C16orf74: variants seen among roughly 807,000 people sequenced by gnomAD.
The protein encoded by C16orf74 is calcimembrin, also known as uncharacterized protein C16orf74.
A neutral mutation model predicts 6.5 loss-of-function variants in C16orf74; 10 were observed. The observed-to-expected ratio is 1.54, with a 90% CI of 0.95 to 2.61. The LOEUF is 2.61. Ranked by LOEUF, C16orf74 falls within the 30% of genes most tolerant of loss-of-function variation. The probability of loss-of-function intolerance (pLI) is 0.00; values close to 1 mark genes in which losing one functional copy is unlikely to be tolerated. For synonymous variants in C16orf74, 60 were observed against 42.5 expected (o/e 1.41, Z -1.60); for missense variants, 141 against 105.9 (o/e 1.33, Z -1.45).
At chr16:85,747,878 C>T (rs925378047) in intron 1 of C16orf74, among the ~76,000 whole-genome samples, 1 of 151,904 alleles carries the variant, frequency 6.6e-6, no homozygotes, top group Non-Finnish European at 1.5e-5. Context: ...ACAAGGTCAG[C>T]AGTTCAAGAC....
chr16:85,708,817 G>A (rs2053938542), intron 3 of C16orf74, among the ~76,000 whole-genome samples: 1 of 152,222 alleles, frequency 6.6e-6, no homozygotes, highest in South Asian at 2.1e-4. Flanking sequence ...AAGGGTCTAT[G>A]GATTCCCCCT....
At chr16:85,710,741 G>A (rs542840197) in intron 2 of C16orf74, 18 of 159,308 alleles carry the variant, frequency 1.1e-4, no homozygotes, top group African/African-American at 2.6e-4. Flanking sequence ...TGCTCCCCCC[G>A]CCTGGGATGC....
At chr16:85,746,255 C>A (rs1041214311) in intron 1 of C16orf74, among the ~76,000 whole-genome samples, 19 of 152,280 alleles carry the variant, frequency 1.2e-4, no homozygotes, top group Middle Eastern at 3.4e-3. Flanking sequence ...GAGGCCGAGG[C>A]AGGAGAATCG....
intron 2 of C16orf74, among the ~76,000 whole-genome samples, chr16:85,729,179 T>C (rs1444376163): frequency 6.6e-6 from 1 of 152,232 alleles, no homozygotes; most frequent in East Asian, 1.9e-4. Context: ...CCATGTGGCC[T>C]TGAGCCAGTG....
intron 2 of C16orf74, among the ~76,000 whole-genome samples, chr16:85,725,978 G>C (rs964471978): frequency 6.6e-6 from 1 of 151,926 alleles, no homozygotes; most frequent in African/African-American, 2.4e-5. Flanking sequence ...AGCTCAGCCC[G>C]GCCTCCATAC....
At chr16:85,735,747 G>C (rs966416967) in intron 1 of C16orf74, among the ~76,000 whole-genome samples, 8 of 63,472 alleles carry the variant, frequency 1.3e-4, no homozygotes, top group Non-Finnish European at 1.7e-4. Context: ...TAGAGGACGT[G>C]TGGCCCCCCC....
At chr16:85,708,309 A>C (rs1289142608) in intron 3 of C16orf74, among the ~76,000 whole-genome samples, 2 of 152,078 alleles carry the variant, frequency 1.3e-5, no homozygotes, top group African/African-American at 4.8e-5. Flanking sequence ...CGGACTTTGT[A>C]GAGTAACCCT....
chr16:85,726,834 C>T (rs1198420725), intron 2 of C16orf74, among the ~76,000 whole-genome samples: 1 of 152,172 alleles, frequency 6.6e-6, no homozygotes, highest in African/African-American at 2.4e-5. Context: ...CCCTCCAGTT[C>T]CTCCACCATG....
chr16:85,733,569 T>TA lies in C16orf74; in HGVS notation c.28+1620dup, dbSNP rs145875175. Among the ~76,000 whole-genome samples, 1,060 of 152,300 alleles carry TA rather than the reference T, an allele frequency of 7.0e-3. 13 individuals carry two copies. Among genetic ancestry groups the TA allele is most frequent in the African/African-American group, 0.024 (995 of 41,554 alleles). ...AGTTTATGTGATATATATTATTTTT[T>TA]AAAGAAGAAAAGTATCCTCAATGCC... On this transcript the variant is annotated intron_variant, in intron 2 of 3. Coordinates refer to ENST00000284245, the MANE Select transcript of C16orf74 (RefSeq NM_206967.3).
intron 2 of C16orf74, among the ~76,000 whole-genome samples, chr16:85,734,741 A>C (rs1304223330): frequency 6.6e-6 from 1 of 151,640 alleles, no homozygotes; most frequent in Non-Finnish European, 1.5e-5. Context: ...CACCCACAAC[A>C]CCCTTCAGTG....
At chr16:85,710,423 CCT>C (rs1342483827) in intron 2 of C16orf74, 116 bp from the exon 3 acceptor site, 4 of 1,017,898 alleles carry the variant, frequency 3.9e-6, no homozygotes, top group Non-Finnish European at 5.4e-6. Flanking sequence ...GGTCCTGACG[CCT>C]CGCAGCAAGG....
intron 2 of C16orf74, 87 bp from the exon 3 acceptor site, chr16:85,710,394 C>A: frequency 7.6e-7 from 1 of 1,310,016 alleles, no homozygotes. Flanking sequence ...GGGCGCCACC[C>A]TCCCTTCACT....
chr16:85,715,500 T>G (rs1255795107), intron 2 of C16orf74, among the ~76,000 whole-genome samples: 1 of 152,140 alleles, frequency 6.6e-6, no homozygotes. Flanking sequence ...CGGTGCTTCC[T>G]GTAGCATAAT....
At chr16:85,719,317 A>G (rs1035777149) in intron 2 of C16orf74, among the ~76,000 whole-genome samples, 1 of 152,198 alleles carries the variant, frequency 6.6e-6, no homozygotes, top group Non-Finnish European at 1.5e-5. Context: ...TCCAGGCTCC[A>G]GTAGCAGGAA....
At chr16:85,727,373 C>G (rs1350027886) in intron 2 of C16orf74, among the ~76,000 whole-genome samples, 1 of 152,198 alleles carries the variant, frequency 6.6e-6, no homozygotes, top group Non-Finnish European at 1.5e-5. Flanking sequence ...GCCTGGCAGC[C>G]TGGGGTCCCC....
At chr16:85,729,091 G>A (rs980944523) in intron 2 of C16orf74, among the ~76,000 whole-genome samples, 6 of 152,262 alleles carry the variant, frequency 3.9e-5, no homozygotes, top group East Asian at 1.9e-4. Context: ...GCTGGAACCT[G>A]GAGAGGGCGC....
chr16:85,732,414 C>G (rs1356566164), intron 2 of C16orf74, among the ~76,000 whole-genome samples: 1 of 152,030 alleles, frequency 6.6e-6, no homozygotes. Context: ...GCCTGTAATC[C>G]CAGCACTTTG....
chr16:85,739,138 G>C (rs938048484), intron 1 of C16orf74, among the ~76,000 whole-genome samples: 12 of 143,458 alleles, frequency 8.4e-5, no homozygotes, highest in Admixed American at 5.8e-4. Context: ...CTTGCCAAGG[G>C]GTCCTGCAGC....
At chr16:85,726,884 A>C (rs2054139328) in intron 2 of C16orf74, among the ~76,000 whole-genome samples, 1 of 151,904 alleles carries the variant, frequency 6.6e-6, no homozygotes, top group Admixed American at 6.6e-5. Flanking sequence ...CGTGCCCATG[A>C]GTTTCTGCTA....
Sources: gnomAD v4.1 joint callset for allele counts (sites outside exome capture counted in the v4.1 genomes callset) on GRCh38, gnomAD v4.1.1 for gene constraint, MANE v1.5 for transcripts, NCBI Gene and HGNC (gene_info 2026-07-23, HGNC 2026-07-21) for gene names.